Variants in ZP2 observed in about 807,000 individuals in gnomAD.
ZP2 encodes the protein zona pellucida sperm-binding protein 2.
A neutral mutation model predicts 84.0 loss-of-function variants in ZP2; 51 were observed. That is an observed-to-expected ratio of 0.61 (90% CI 0.49 to 0.77). ZP2 has a LOEUF of 0.77. ZP2 is among the 30% of genes least tolerant of loss of function. ZP2 has a pLI of 0.00. For missense variants in ZP2, 909 were observed against 911.9 expected, an observed-to-expected ratio of 1.00 and a Z score of 0.04; for synonymous variants, 375 against 330.9, an observed-to-expected ratio of 1.13 and a Z score of -1.45.
rs2093224708 is a variant in ZP2, at chr16:21,201,441, A to G, written c.1622T>C (p.Val541Ala). Reference sequence around the variant, plus strand: ...GGACGTCGCCCAGCAGTCATCTAAGACCAGCTTGATGTTGGGGTCATCCCT... The same window carrying G: ...GGACGTCGCCCAGCAGTCATCTAAGGCCAGCTTGATGTTGGGGTCATCCCT... The part of the protein sequence containing the change: ...LNRDDPNIKL[V>A]LDDCWATSTM... Residue 541 changes from valine to alanine, a missense_variant, in exon 14 of 19, where the codon GTC becomes GCC. Physicochemically the swap from Val to Ala is moderately conservative, Grantham distance 64. Transcript: ENST00000574091. 1 of 1,613,048 alleles carries G rather than the reference A, an allele frequency of 6.2e-7. No homozygotes were observed. Among genetic ancestry groups the G allele is most frequent in the African/African-American group, 1.3e-5 (1 of 74,872 alleles).
chr16:21,206,780 T>C (rs2093251644), intron 5 of ZP2, 58 bp downstream of exon 5: 3 of 1,605,882 alleles, frequency 1.9e-6, no homozygotes, highest in African/African-American at 1.3e-5. Context: ...GGTTAGATCA[T>C]CATCATATTC....
At chr16:21,199,902 G>A (rs369187945) in intron 14 of ZP2, 24 bp from the exon 15 acceptor site, 39 of 1,611,474 alleles carry the variant, frequency 2.4e-5, no homozygotes, top group Non-Finnish European at 3.1e-5. Context: ...ACCAGGGAGG[G>A]ATGTCAGTCA....
At chr16:21,205,207 G>T (rs1406292349) in intron 7 of ZP2, among the ~76,000 whole-genome samples, 1 of 152,116 alleles carries the variant, frequency 6.6e-6, no homozygotes, top group Non-Finnish European at 1.5e-5. Flanking sequence ...TGGCCGGGCT[G>T]GTCTTGAACT....
intron 9 of ZP2, 25 bp from the exon 10 acceptor site, chr16:21,203,276 C>T (rs750140254): frequency 6.2e-7 from 1 of 1,610,958 alleles, no homozygotes; most frequent in Non-Finnish European, 8.5e-7. Context: ...TGTCAATTAG[C>T]AGCCACAGTC....
chr16:21,211,405 G>A lies in ZP2; in HGVS notation c.63-10C>T. On this transcript the variant is annotated splice_polypyrimidine_tract_variant and intron_variant, in intron 1 of 18. Transcript: ENST00000574091. ...AATCGACCTGTAGGTGCTGGAAAGA[G>A]ACAGGGAGATAGTCAAGGAAGAATG... The A allele has an allele frequency of 5.6e-6, 9 of 1,614,186 alleles. No homozygotes were observed. The highest frequency in any genetic ancestry group is 1.3e-5 in the African/African-American group (1 of 75,052).
chr16:21,209,140 T>C (rs1323033966), intron 4 of ZP2, among the ~76,000 whole-genome samples: 1 of 152,200 alleles, frequency 6.6e-6, no homozygotes, highest in Non-Finnish European at 1.5e-5. Context: ...AAGATGTTTC[T>C]AGATGTTGTC....
Position 21,204,147 on chromosome 16 carries a change from CTT to C in ZP2, c.853_854del (p.Lys285ValfsTer5). The C allele has an allele frequency of 6.2e-7, 1 of 1,614,184 alleles. No individual in the cohort carries two copies. Among genetic ancestry groups the C allele is most frequent in the South Asian group, 1.1e-5 (1 of 91,084 alleles). ...LTIPEFPGKL[K>X]SVSFENQNID... ...TGTTCTGGTTTTCAAAGCTCACAGA[CTT>C]AAGCTTCCCAGGAAACTCTGGTATG... On this transcript the variant is annotated frameshift_variant, in exon 9 of 19. Coordinates refer to ENST00000574091, the MANE Select transcript of ZP2 (RefSeq NM_001376232.1). LOFTEE classifies it high-confidence loss of function.
chr16:21,202,189 G>T lies in ZP2; in HGVS notation c.1202C>A (p.Ser401Ter). The change falls in exon 11 of 19, where the codon TCA (serine) becomes TAA (stop). Residue 401 changes from serine (S) to a stop codon, truncating the protein, a stop_gained. Transcript: ENST00000574091. LOFTEE classifies it high-confidence loss of function. ...LDLGTLRVGN[S>*]SCQPVFEAQS... is the part of the protein sequence containing the mutation. ...AGCCTCAAAGACAGGCTGGCAGGAT[G>T]AGTTTCCCACCCTCAGAGTACCCAG... is the stretch of plus-strand genomic sequence containing the variant. The T allele has an allele frequency of 1.3e-6, 2 of 1,597,720 alleles. No individual in the cohort carries two copies. The highest frequency in any genetic ancestry group is 1.7e-6 in the Non-Finnish European group (2 of 1,176,142).
In ZP2 at chr16:21,211,382, T is replaced by G; in HGVS notation, c.76A>C (p.Ile26Leu). ...FNAGWSTYRS[I>L]SLFFALVTSG... ...GTCACAAGGGCGAAGAAGAGAGAAA[T>G]CGACCTGTAGGTGCTGGAAAGAGAC... is the stretch of plus-strand genomic sequence containing the variant. Residue 26 changes from isoleucine (I) to leucine (L), a missense_variant, in exon 2 of 19, where the codon ATT becomes CTT. Ile to Leu is a conservative substitution (Grantham distance 5, BLOSUM62 2). Coordinates refer to ENST00000574091, the MANE Select transcript of ZP2 (RefSeq NM_001376232.1). The G allele has an allele frequency of 6.2e-7, 1 of 1,614,028 alleles. No homozygotes were observed.
chr16:21,209,547 G>A (rs1420980717), intron 4 of ZP2, 84 bp downstream of exon 4: 1 of 1,285,248 alleles, frequency 7.8e-7, no homozygotes, highest in Non-Finnish European at 1.1e-6. Flanking sequence ...TTACTCCAAA[G>A]AGAAAGTTCT....
At chr16:21,200,002 A>G in intron 14 of ZP2, 124 bp from the exon 15 acceptor site, 1 of 1,260,292 alleles carries the variant, frequency 7.9e-7, no homozygotes, top group Non-Finnish European at 1.1e-6. Flanking sequence ...TTCTACCAGC[A>G]CCTTTGTTTT....
rs375314798 is a variant in ZP2 at position 21,205,411 on chromosome 16, C to T, written c.693+9G>A. 1.5e-5 allele frequency: 24 copies of T among 1,613,162 alleles called. No homozygotes were observed. Among genetic ancestry groups the T allele is most frequent in the Non-Finnish European group, 1.9e-5 (23 of 1,179,806 alleles). On this transcript the variant is annotated intron_variant, in intron 7 of 18. Coordinates refer to ENST00000574091, the MANE Select transcript of ZP2 (RefSeq NM_001376232.1). ...CTTTGGTGGTACAAAGCCAGACTTC[C>T]ACACCTACCACATAGTGAGTCACTC...
At position 21,201,491 on chromosome 16, in the gene ZP2, A is replaced by C; in HGVS notation, c.1572T>G (p.Ile524Met). The C allele has an allele frequency of 6.2e-7, 1 of 1,613,730 alleles. No individual in the cohort carries two copies. The highest frequency in any genetic ancestry group is 8.5e-7 in the Non-Finnish European group (1 of 1,179,894). The change falls in exon 14 of 19, where the codon ATT (isoleucine) becomes ATG (methionine). Residue 524 changes from isoleucine (I) to methionine (M), a missense_variant. By Grantham distance (10) the Ile-to-Met change is conservative. Coordinates refer to ENST00000574091, the MANE Select transcript of ZP2 (RefSeq NM_001376232.1). ...YPLVRFLRQP[I>M]YMEVRVLNRD... ...TGTTTAGGACTCTCACTTCCATGTAAATTGGTTGGCGGAGGAATCTCACTA... is the reference window on the plus strand; with the variant it reads ...TGTTTAGGACTCTCACTTCCATGTACATTGGTTGGCGGAGGAATCTCACTA...
rs756668634 is a variant in ZP2, at chr16:21,199,822, A to G, written c.1751T>C (p.Val584Ala). The G allele has an allele frequency of 6.2e-6, 10 of 1,613,700 alleles. No homozygotes were observed. The highest frequency in any genetic ancestry group is 8.5e-6 in the Non-Finnish European group (10 of 1,180,022). The change falls in exon 15 of 19, where the codon GTG becomes GCG. Residue 584 changes from valine to alanine, a missense_variant. Physicochemically the swap from Val to Ala is moderately conservative, Grantham distance 64. Transcript: ENST00000574091. Reference protein sequence around the residue: ...QTTFHPVGSSVTHPDHYQRFD... With the variant: ...QTTFHPVGSSATHPDHYQRFD... The stretch of plus-strand genomic sequence containing the variant: ...CCTCTGATAGTGATCAGGATGGGTC[A>G]CAGAGGAGCCGACTGGATGGAAGGT...
chr16:21,203,547 C>G (rs1312524526), intron 9 of ZP2, among the ~76,000 whole-genome samples: 1 of 152,176 alleles, frequency 6.6e-6, no homozygotes, highest in Non-Finnish European at 1.5e-5. Context: ...CTCTGCCAAG[C>G]CAGGTCTGAG....
At position 21,202,206 on chromosome 16, in the gene ZP2, A is replaced by C. The variant is rs2152855077; in HGVS notation, c.1185T>G (p.Thr395=). The change falls in exon 11 of 19, where the codon ACT becomes ACG. Residue 395 remains threonine (T), a synonymous_variant. Coordinates refer to ENST00000574091, the MANE Select transcript of ZP2 (RefSeq NM_001376232.1). ...GGCAGGATGAGTTTCCCACCCTCAGAGTACCCAGGTCAAGAGCTGGTTGTG... is the reference window on the plus strand; with the variant it reads ...GGCAGGATGAGTTTCCCACCCTCAGCGTACCCAGGTCAAGAGCTGGTTGTG... The part of the protein sequence containing the change: ...YQTQPALDLG[T]LRVGNSSCQP... 3 of 1,589,374 alleles carry C rather than the reference A, an allele frequency of 1.9e-6. No homozygotes were observed. The highest frequency in any genetic ancestry group is 2.6e-6 in the Non-Finnish European group (3 of 1,173,838).
upstream of ZP2, among the ~76,000 whole-genome samples, chr16:21,212,825 G>C (rs1029878124): frequency 7.2e-5 from 11 of 152,174 alleles, no homozygotes; most frequent in Non-Finnish European, 1.5e-4. Context: ...AAGGCAACTT[G>C]CCCCAACAAT....
intron 5 of ZP2, 63 bp from the exon 6 acceptor site, chr16:21,205,838 C>T: frequency 6.4e-7 from 1 of 1,560,392 alleles, no homozygotes; most frequent in Admixed American, 1.7e-5. Flanking sequence ...GAATTCATGC[C>T]AGAAATTGCT....
chr16:21,201,502 G>C lies in ZP2; in HGVS notation c.1561C>G (p.Arg521Gly). The stretch of plus-strand genomic sequence containing the variant: ...CTCACTTCCATGTAAATTGGTTGGC[G>C]GAGGAATCTCACTAGAGGGTACTCG... ...ENEYPLVRFLRQPIYMEVRVL... is the reference protein window; with the variant it reads ...ENEYPLVRFLGQPIYMEVRVL... The change falls in exon 14 of 19, where the codon CGC becomes GGC. Residue 521 changes from arginine (R) to glycine (G), a missense_variant. Coordinates refer to ENST00000574091, the MANE Select transcript of ZP2 (RefSeq NM_001376232.1). 1 of 1,613,582 alleles carries C rather than the reference G, an allele frequency of 6.2e-7. No individual in the cohort carries two copies. Among genetic ancestry groups the C allele is most frequent in the Non-Finnish European group, 8.5e-7 (1 of 1,179,844 alleles).
Sources: gnomAD v4.1 joint callset for allele counts (sites outside exome capture counted in the v4.1 genomes callset) on GRCh38, gnomAD v4.1.1 for gene constraint, MANE v1.5 for transcripts, NCBI Gene and HGNC (gene_info 2026-07-23, HGNC 2026-07-21) for gene names.